The following CEP112 variants were observed in gnomAD, a reference collection of about 807,000 sequenced individuals.
CEP112 encodes centrosomal protein 112.
CEP112 carries 127 observed loss-of-function variants against 153.0 expected under a neutral mutation model. That is an observed-to-expected ratio of 0.83 (90% CI 0.72 to 0.96). The LOEUF (loss-of-function observed/expected upper bound fraction) is 0.96. Ranked by LOEUF, CEP112 falls within the 40% of genes least tolerant of loss-of-function variation. The pLI is 0.00. For missense variants in CEP112, 1,089 were observed against 1,101.2 expected (o/e 0.99, Z 0.16); for synonymous variants, 358 against 374.4 (o/e 0.96, Z 0.51).
chr17:66,168,013 A>G (rs1162779983), intron 4 of CEP112, among the ~76,000 whole-genome samples: 1 of 152,206 alleles, frequency 6.6e-6, no homozygotes, highest in East Asian at 1.9e-4. Context: ...TTATGTTTAA[A>G]TGTATATATA....
At chr17:66,123,142 G>A (rs2069677656) in intron 6 of CEP112, among the ~76,000 whole-genome samples, 1 of 152,166 alleles carries the variant, frequency 6.6e-6, no homozygotes, top group African/African-American at 2.4e-5. Flanking sequence ...AACAAGTCGA[G>A]GTAAGGACAA....
chr17:66,059,806 A>G (rs1338643200), intron 11 of CEP112, among the ~76,000 whole-genome samples: 1 of 152,222 alleles, frequency 6.6e-6, no homozygotes, highest in African/African-American at 2.4e-5. Context: ...GTATATACCC[A>G]AAGGAAAATA....
At chr17:65,683,047 T>A (rs916824716) in intron 24 of CEP112, among the ~76,000 whole-genome samples, 1 of 152,196 alleles carries the variant, frequency 6.6e-6, no homozygotes, top group African/African-American at 2.4e-5. Context: ...AAAGGTGGAC[T>A]GAGAACCAGC....
chr17:65,698,324 T>C (rs1475217459), intron 23 of CEP112, among the ~76,000 whole-genome samples: 1 of 152,228 alleles, frequency 6.6e-6, no homozygotes, highest in Non-Finnish European at 1.5e-5. Context: ...GGCCACTATA[T>C]AAAGCAAGAG....
chr17:65,810,695 T>A (rs1050301828), intron 21 of CEP112, among the ~76,000 whole-genome samples: 6 of 152,060 alleles, frequency 3.9e-5, no homozygotes, highest in African/African-American at 1.4e-4. Flanking sequence ...TTCTTTAACA[T>A]ATTATTTCAT....
chr17:66,155,853 G>C (rs1035269472), intron 4 of CEP112, among the ~76,000 whole-genome samples: 9 of 152,194 alleles, frequency 5.9e-5, no homozygotes, highest in African/African-American at 2.2e-4. Context: ...TCTGGGCAGG[G>C]CATCTCTGAA....
intron 23 of CEP112, among the ~76,000 whole-genome samples, chr17:65,705,384 G>A (rs232150): frequency 0.47 from 71,596 of 152,038 alleles, 17,326 homozygotes; most frequent in Admixed American, 0.55. Flanking sequence ...TTTTGGCAAG[G>A]GGAATAAAAC....
At chr17:65,661,522 A>C (rs2046384630) in intron 24 of CEP112, among the ~76,000 whole-genome samples, 1 of 152,152 alleles carries the variant, frequency 6.6e-6, no homozygotes, top group South Asian at 2.1e-4. Flanking sequence ...CTTACCCGAG[A>C]GCCTCCGCTT....
At chr17:65,986,821 T>A (rs910325974) in intron 17 of CEP112, among the ~76,000 whole-genome samples, 4 of 151,970 alleles carry the variant, frequency 2.6e-5, no homozygotes, top group Admixed American at 6.6e-5. Context: ...CACCTGAAAA[T>A]CTTCAAGAGA....
chr17:66,186,410 T>C (rs2072938773), intron 1 of CEP112, among the ~76,000 whole-genome samples: 2 of 152,108 alleles, frequency 1.3e-5, no homozygotes, highest in African/African-American at 4.8e-5. Context: ...CAAGGGATTC[T>C]CCTGCCTCAG....
At chr17:66,052,834 T>A (rs1312898544) in intron 12 of CEP112, among the ~76,000 whole-genome samples, 1 of 152,028 alleles carries the variant, frequency 6.6e-6, no homozygotes, top group African/African-American at 2.4e-5. Context: ...TGGCCAGGCG[T>A]GGTTGATCAT....
chr17:66,094,973 G>A (rs975479350), intron 8 of CEP112, among the ~76,000 whole-genome samples: 8 of 152,050 alleles, frequency 5.3e-5, no homozygotes, highest in South Asian at 4.1e-4. Context: ...CTATTAGAAC[G>A]GCTATCAACA....
chr17:65,836,953 C>T (rs1013599500), intron 21 of CEP112, among the ~76,000 whole-genome samples: 35 of 152,304 alleles, frequency 2.3e-4, no homozygotes, highest in African/African-American at 8.4e-4. Flanking sequence ...CAGGTGCGCG[C>T]CGCCACGCCT....
chr17:65,666,672 A>G (rs2046708445), intron 24 of CEP112, among the ~76,000 whole-genome samples: 1 of 152,230 alleles, frequency 6.6e-6, no homozygotes. Flanking sequence ...ATTTCCTGAA[A>G]ACATAACGAA....
At chr17:66,168,485 GTGTGTGTGTATATATATGTATATA>G (rs1338417438) in intron 4 of CEP112, among the ~76,000 whole-genome samples, 21 of 141,048 alleles carry the variant, frequency 1.5e-4, no homozygotes, top group Admixed American at 5.0e-4. Flanking sequence ...ATGTATATAT[GTGTGTGTGTATATATATGTATATA>G]TGTGTGTGTA....
At chr17:65,881,436 A>G (rs1269764230) in intron 20 of CEP112, among the ~76,000 whole-genome samples, 1 of 152,144 alleles carries the variant, frequency 6.6e-6, no homozygotes. Context: ...ACATACACAT[A>G]CATTCATGTT....
chr17:65,707,243 A>G (rs1479703669), intron 23 of CEP112, among the ~76,000 whole-genome samples: 1 of 152,154 alleles, frequency 6.6e-6, no homozygotes, highest in East Asian at 1.9e-4. Flanking sequence ...AATTTTCACT[A>G]GGAGTGGCGC....
intron 21 of CEP112, among the ~76,000 whole-genome samples, chr17:65,753,206 A>G (rs913502414): frequency 2.6e-5 from 4 of 152,282 alleles, no homozygotes; most frequent in African/African-American, 9.6e-5. Context: ...GCTCACCTCT[A>G]TGGTAGTACT....
intron 17 of CEP112, among the ~76,000 whole-genome samples, chr17:65,970,208 C>T (rs199744483): frequency 4.5e-5 from 5 of 110,614 alleles, no homozygotes; most frequent in Non-Finnish European, 7.6e-5. Flanking sequence ...GCATGCATGT[C>T]ATGCATGCAT....
Sources: gnomAD v4.1 joint callset for allele counts (sites outside exome capture counted in the v4.1 genomes callset) on GRCh38, gnomAD v4.1.1 for gene constraint, MANE v1.5 for transcripts, NCBI Gene and HGNC (gene_info 2026-07-23, HGNC 2026-07-21) for gene names.